Variants in HDAC9 observed in about 807,000 individuals in gnomAD.
HDAC9 encodes the protein histone deacetylase 9, also known as MEF-2 interacting transcription repressor (MITR) protein.
Under a neutral mutation model 139.4 loss-of-function variants are expected in HDAC9, and 41 were observed. The ratio of observed to expected loss-of-function variants is 0.29; its 90% CI spans 0.23 to 0.38. The LOEUF is 0.38. Ranked by LOEUF, HDAC9 falls within the 10% of genes least tolerant of loss-of-function variation. The pLI, the probability that HDAC9 is intolerant of heterozygous loss-of-function variation, is 1.00. For synonymous variants in HDAC9, 517 were observed against 476.2 expected, an observed-to-expected ratio of 1.09 and a Z score of -1.12; for missense variants, 1,147 against 1,297.0, an observed-to-expected ratio of 0.88 and a Z score of 1.78.
At chr7:18,474,906 G>A (rs1794995940) in intron 1 of HDAC9, among the ~76,000 whole-genome samples, 2 of 152,084 alleles carry the variant, frequency 1.3e-5, no homozygotes, top group Admixed American at 6.6e-5. Context: ...ATGGTCAAAA[G>A]GAAAGAGAAA....
At chr7:18,216,078 G>T (rs371764523) in intron 2 of HDAC9, among the ~76,000 whole-genome samples, 1 of 149,350 alleles carries the variant, frequency 6.7e-6, no homozygotes. Context: ...AGCATGAAAT[G>T]TATGTGTGTA....
intron 2 of HDAC9, among the ~76,000 whole-genome samples, chr7:18,510,008 G>T (rs1235509633): frequency 1.3e-5 from 2 of 152,120 alleles, no homozygotes; most frequent in Non-Finnish European, 2.9e-5. Context: ...TGCACAATGT[G>T]TTTTTATACA....
Position 18,121,544 on chromosome 7 carries a change from CAAA to C in HDAC9, c.-97+34344_-97+34346del, listed in dbSNP as rs5882646. On this transcript the variant is annotated intron_variant, in intron 1 of 12. Transcript: ENST00000417496. Reference sequence around the variant, plus strand: ...GTAAGGTGAGCACCATAAGAATATGCAAAAAAAAAAAAAAACCATTGAAATTAT... The same window carrying C: ...GTAAGGTGAGCACCATAAGAATATGCAAAAAAAAAAAACCATTGAAATTAT... Among the ~76,000 whole-genome samples the C allele has an allele frequency of 2.8e-4, 30 of 108,846 alleles. 1 individual carries two copies. The highest frequency in any genetic ancestry group is 5.3e-4 in the South Asian group (2 of 3,776). The allele number at this position is 108,846 out of a possible 152,430, so 71.4% of individuals were successfully genotyped here.
chr7:18,779,887 G>A (rs1215214319), intron 16 of HDAC9, among the ~76,000 whole-genome samples: 2 of 151,974 alleles, frequency 1.3e-5, no homozygotes, highest in Non-Finnish European at 2.9e-5. Context: ...TTAGAATCAA[G>A]GCACTGCAGG....
chr7:18,448,266 A>G (rs1048850552), intron 1 of HDAC9, among the ~76,000 whole-genome samples: 2 of 152,246 alleles, frequency 1.3e-5, no homozygotes, highest in Admixed American at 6.5e-5. Context: ...CTGTATAGCT[A>G]CATGAAGCCA....
chr7:18,570,384 C>G (rs555330448), intron 2 of HDAC9, among the ~76,000 whole-genome samples: 1 of 152,048 alleles, frequency 6.6e-6, no homozygotes, highest in Non-Finnish European at 1.5e-5. Flanking sequence ...GAAATATATT[C>G]AATTACACAT....
chr7:18,540,820 A>T (rs966339123), intron 2 of HDAC9, among the ~76,000 whole-genome samples: 1 of 152,260 alleles, frequency 6.6e-6, no homozygotes, highest in Non-Finnish European at 1.5e-5. Context: ...GTATATTAAA[A>T]TACCCAACAC....
chr7:18,657,162 A>G (rs774819858), intron 11 of HDAC9, among the ~76,000 whole-genome samples: 1 of 152,064 alleles, frequency 6.6e-6, no homozygotes, highest in Non-Finnish European at 1.5e-5. Context: ...AGTTCCATAT[A>G]TATCCTGGTT....
chr7:18,169,422 A>G (rs755543639), intron 2 of HDAC9, among the ~76,000 whole-genome samples: 1 of 151,076 alleles, frequency 6.6e-6, no homozygotes, highest in Non-Finnish European at 1.5e-5. Flanking sequence ...TAATTTTGCC[A>G]TACTTTTCCT....
At chr7:18,585,649 G>T in intron 3 of HDAC9, 127 bp downstream of exon 3, 2 of 1,233,394 alleles carry the variant, frequency 1.6e-6, no homozygotes, top group Non-Finnish European at 1.1e-6. Flanking sequence ...TGGCTTGAAG[G>T]GAATTGTGAT....
intron 1 of HDAC9, among the ~76,000 whole-genome samples, chr7:18,128,265 T>C (rs536822359): frequency 6.6e-6 from 1 of 152,212 alleles, no homozygotes; most frequent in South Asian, 2.1e-4. Context: ...TTAAGGACTT[T>C]AACTGGGGCC....
intron 2 of HDAC9, among the ~76,000 whole-genome samples, chr7:18,544,089 G>C (rs1412230265): frequency 6.6e-6 from 1 of 152,196 alleles, no homozygotes; most frequent in Admixed American, 6.5e-5. Context: ...TGGCTGCTCT[G>C]TAAGAAGGGA....
chr7:18,785,339 A>T lies in HDAC9; in HGVS notation c.2215-8006A>T, dbSNP rs556008081. ...TTTTGGTTGTATACCAAAAAAAAAA[A>T]CCATGCATCGTAGGATGCGTAGTGG... On this transcript the variant is annotated intron_variant, in intron 16 of 25. Coordinates refer to ENST00000686413, the MANE Select transcript of HDAC9 (RefSeq NM_178425.4). Among the ~76,000 whole-genome samples, 133 of 152,064 alleles carry T rather than the reference A, an allele frequency of 8.7e-4. 1 individual carries two copies. Among genetic ancestry groups the T allele is most frequent in the African/African-American group, 3.2e-3 (133 of 41,494 alleles).
chr7:18,192,113 C>T (rs141999050), intron 2 of HDAC9, among the ~76,000 whole-genome samples: 192 of 152,220 alleles, frequency 1.3e-3, no homozygotes, highest in African/African-American at 4.2e-3. Flanking sequence ...AGGATGAACC[C>T]GGCCGGGGGG....
chr7:18,556,693 T>C (rs1818929753), intron 2 of HDAC9, among the ~76,000 whole-genome samples: 1 of 152,070 alleles, frequency 6.6e-6, no homozygotes, highest in South Asian at 2.1e-4. Flanking sequence ...TACTGTCACT[T>C]ATCTTAATAT....
upstream of HDAC9, among the ~76,000 whole-genome samples, chr7:18,494,657 A>G (rs1172321006): frequency 3.9e-5 from 6 of 152,060 alleles, no homozygotes; most frequent in African/African-American, 1.4e-4. Flanking sequence ...TATCTACTGT[A>G]CTGTATAGCT....
At chr7:18,114,839 G>A (rs1195885812) in intron 1 of HDAC9, among the ~76,000 whole-genome samples, 2 of 152,180 alleles carry the variant, frequency 1.3e-5, no homozygotes, top group Middle Eastern at 3.2e-3. Flanking sequence ...GTGGTTTTCC[G>A]TTTTGTGTGG....
upstream of HDAC9, among the ~76,000 whole-genome samples, chr7:18,289,575 G>T (rs1034651688): frequency 1.3e-5 from 2 of 152,152 alleles, no homozygotes; most frequent in Non-Finnish European, 2.9e-5. Flanking sequence ...TTGGTTTTCA[G>T]ACTTTTTTTT....
At chr7:18,545,768 C>G (rs1041831027) in intron 2 of HDAC9, among the ~76,000 whole-genome samples, 2 of 152,110 alleles carry the variant, frequency 1.3e-5, no homozygotes, top group East Asian at 3.9e-4. Flanking sequence ...TGAAAGGGCA[C>G]ATGTGCACTG....
Sources: allele counts gnomAD v4.1 joint callset (sites outside exome capture counted in the v4.1 genomes callset), GRCh38; gene constraint gnomAD v4.1.1; transcripts MANE v1.5; gene names NCBI Gene and HGNC (gene_info 2026-07-23, HGNC 2026-07-21).